The following OCA2 variants were observed in gnomAD, a reference collection of about 807,000 sequenced individuals.
The protein encoded by OCA2 is OCA2 melanosomal transmembrane protein.
In OCA2, 77 loss-of-function variants were observed where a neutral mutation model predicts 100.2. The ratio of observed to expected loss-of-function variants is 0.77; its 90% CI spans 0.64 to 0.93. The LOEUF (loss-of-function observed/expected upper bound fraction) is 0.93. Ranked by LOEUF, OCA2 falls within the 40% of genes least tolerant of loss-of-function variation. OCA2 has a pLI of 0.00. For missense variants in OCA2, 1,062 were observed against 1,089.1 expected, an observed-to-expected ratio of 0.98 and a Z score of 0.35; for synonymous variants, 432 against 439.2, an observed-to-expected ratio of 0.98 and a Z score of 0.21.
intron 2 of OCA2, among the ~76,000 whole-genome samples, chr15:28,063,028 G>A (rs2043922050): frequency 6.6e-6 from 1 of 152,094 alleles, no homozygotes; most frequent in Admixed American, 6.5e-5. Flanking sequence ...GGTTGTTTTG[G>A]CTATTCTGGA....
intron 9 of OCA2, among the ~76,000 whole-genome samples, chr15:27,991,533 A>G (rs2041555082): frequency 6.6e-6 from 1 of 152,186 alleles, no homozygotes. Context: ...ATTTAGAGAA[A>G]CAGAAAGATC....
At chr15:28,030,686 G>A (rs1367631921) in intron 3 of OCA2, among the ~76,000 whole-genome samples, 2 of 152,174 alleles carry the variant, frequency 1.3e-5, no homozygotes, top group African/African-American at 2.4e-5. Flanking sequence ...GCAGCTCCTC[G>A]GAAGCTCAGA....
intron 2 of OCA2, among the ~76,000 whole-genome samples, chr15:28,058,987 G>A (rs780176348): frequency 9.2e-5 from 14 of 152,174 alleles, no homozygotes; most frequent in African/African-American, 1.4e-4. Flanking sequence ...CTGGATGAAG[G>A]GGCACATTCC....
intron 15 of OCA2, among the ~76,000 whole-genome samples, chr15:27,960,055 G>A (rs898006684): frequency 2.0e-5 from 3 of 152,108 alleles, no homozygotes; most frequent in Admixed American, 2.0e-4. Flanking sequence ...CTCTGCTGAG[G>A]TCCAAGACCA....
intron 23 of OCA2, among the ~76,000 whole-genome samples, chr15:27,777,189 G>A (rs558519859): frequency 2.0e-4 from 30 of 152,222 alleles, no homozygotes; most frequent in Admixed American, 1.5e-3. Flanking sequence ...CAAAAAGTGG[G>A]GTCCTTGTCA....
intron 9 of OCA2, among the ~76,000 whole-genome samples, chr15:27,999,638 C>T (rs1358129735): frequency 6.6e-6 from 1 of 152,088 alleles, no homozygotes; most frequent in Non-Finnish European, 1.5e-5. Context: ...ACAACAACAA[C>T]AAAATTAAAA....
intron 23 of OCA2, among the ~76,000 whole-genome samples, chr15:27,763,058 C>T (rs922199921): frequency 2.6e-5 from 4 of 152,144 alleles, no homozygotes; most frequent in African/African-American, 9.7e-5. Context: ...ACTTCTAGAG[C>T]AATTGGGTAT....
At chr15:27,725,228 C>G in the OCA2 span, among the ~76,000 whole-genome samples, 1 of 152,202 alleles carries the variant, frequency 6.6e-6, no homozygotes, top group Non-Finnish European at 1.5e-5. Context: ...TTTACTGGAC[C>G]ACACGCCAAC....
intron 19 of OCA2, among the ~76,000 whole-genome samples, chr15:27,916,392 T>C (rs141008282): frequency 6.6e-6 from 1 of 152,300 alleles, no homozygotes; most frequent in Non-Finnish European, 1.5e-5. Flanking sequence ...AACAGTTTCA[T>C]TCTAAAATTT....
intron 6 of OCA2, among the ~76,000 whole-genome samples, chr15:28,019,396 T>C (rs905634234): frequency 7.9e-5 from 12 of 152,024 alleles, no homozygotes; most frequent in African/African-American, 1.2e-4. Context: ...CTGGCTTCTG[T>C]TCATTTGCCC....
intron 23 of OCA2, among the ~76,000 whole-genome samples, chr15:27,832,553 C>T (rs767762436): frequency 5.9e-5 from 9 of 152,212 alleles, no homozygotes; most frequent in Admixed American, 1.3e-4. Context: ...AGCTCACCTG[C>T]TCAGGGCTGT....
rs189691830 is a variant in OCA2, at chr15:27,900,087, G to A, written c.2079+26040C>T. 3.5e-3 allele frequency among the ~76,000 whole-genome samples: 539 copies of A among 152,238 alleles called. 6 individuals are homozygous for A. The highest frequency in any genetic ancestry group is 0.012 in the African/African-American group (510 of 41,520). On this transcript the variant is annotated intron_variant, in intron 19 of 23. Coordinates refer to ENST00000354638, the MANE Select transcript of OCA2 (RefSeq NM_000275.3). ...TCAGGATGCGGCAACCATGGTGACC[G>A]TGCAGTCAACAAAATAAGCCTCAGC...
the OCA2 span, among the ~76,000 whole-genome samples, chr15:27,728,634 C>T: frequency 2.0e-5 from 3 of 152,200 alleles, no homozygotes; most frequent in African/African-American, 7.2e-5. Flanking sequence ...CAGGTAATCC[C>T]ATCTCTACTT....
intron 23 of OCA2, among the ~76,000 whole-genome samples, chr15:27,817,118 G>A (rs1165998616): frequency 3.3e-5 from 5 of 152,114 alleles, no homozygotes; most frequent in Non-Finnish European, 7.3e-5. Flanking sequence ...TATTTACCTG[G>A]AACCCACGCT....
chr15:27,765,454 AG>A (rs1340983792), intron 23 of OCA2, among the ~76,000 whole-genome samples: 1 of 152,238 alleles, frequency 6.6e-6, no homozygotes, highest in Non-Finnish European at 1.5e-5. Context: ...GCAAGAGACA[AG>A]ACAAATCACT....
chr15:27,726,106 G>A, the OCA2 span, among the ~76,000 whole-genome samples: 1 of 152,078 alleles, frequency 6.6e-6, no homozygotes. Context: ...AGACCAGCCT[G>A]GCCAACATGG....
rs559084085 is a variant in OCA2 at position 28,079,751 on chromosome 15, C to T, written c.227+1897G>A. ...GCCTAGGTAGTTGCCAGTGCCATCC[C>T]GACACCCCCTCCCCGTGCCCTGCGC... On this transcript the variant is annotated intron_variant, in intron 2 of 23. Coordinates refer to ENST00000354638, the MANE Select transcript of OCA2 (RefSeq NM_000275.3). 9.9e-5 allele frequency among the ~76,000 whole-genome samples: 15 copies of T among 152,248 alleles called. No individual in the cohort carries two copies. In the South Asian group the frequency reaches 2.1e-3, roughly 21 times the overall value.
the OCA2 span, among the ~76,000 whole-genome samples, chr15:27,732,105 C>T: frequency 6.6e-6 from 1 of 152,230 alleles, no homozygotes; most frequent in African/African-American, 2.4e-5. Flanking sequence ...AAGTGCCAAT[C>T]AGCCATACAC....
At chr15:27,998,869 AT>A (rs1346837673) in intron 9 of OCA2, among the ~76,000 whole-genome samples, 2 of 147,996 alleles carry the variant, frequency 1.4e-5, no homozygotes, top group African/African-American at 5.0e-5. Flanking sequence ...CTATGCAGCC[AT>A]AAAAAATGAT....
Sources: gnomAD v4.1 joint callset for allele counts (sites outside exome capture counted in the v4.1 genomes callset) on GRCh38, gnomAD v4.1.1 for gene constraint, MANE v1.5 for transcripts, NCBI Gene and HGNC (gene_info 2026-07-23, HGNC 2026-07-21) for gene names.